SAMD5: variants seen among roughly 807,000 people sequenced by gnomAD.
SAMD5 encodes the protein sterile alpha motif domain containing 5.
Under a neutral mutation model 11.3 loss-of-function variants are expected in SAMD5, and 13 were observed. The observed-to-expected ratio is 1.15, with a 90% CI of 0.75 to 1.83. The LOEUF (loss-of-function observed/expected upper bound fraction) is 1.83. Among genes scored for constraint, SAMD5 ranks in the 40% most tolerant of loss-of-function variants. SAMD5 has a pLI of 0.00. For synonymous variants in SAMD5, 129 were observed against 111.3 expected (o/e 1.16, Z -1.00); for missense variants, 255 against 239.1 (o/e 1.07, Z -0.44).
intron 1 of SAMD5, among the ~76,000 whole-genome samples, chr6:147,650,251 T>G (rs1275326998): frequency 6.6e-6 from 1 of 152,224 alleles, no homozygotes; most frequent in Non-Finnish European, 1.5e-5. Context: ...CAGTAGGGAC[T>G]GTGGTGAAGG....
At chr6:147,636,045 G>T (rs560571592) in intron 1 of SAMD5, among the ~76,000 whole-genome samples, 11 of 152,276 alleles carry the variant, frequency 7.2e-5, no homozygotes, top group African/African-American at 2.4e-4. Flanking sequence ...TCTGTACCAT[G>T]TGCCAGTTAC....
the SAMD5 span, among the ~76,000 whole-genome samples, chr6:147,803,714 C>T: frequency 2.0e-5 from 3 of 152,216 alleles, no homozygotes; most frequent in Non-Finnish European, 2.9e-5. Context: ...CCCAAAGACA[C>T]GTGATCGGCA....
chr6:147,647,003 AATAATAATAAT>A lies in SAMD5; in HGVS notation c.163-90312_163-90302del, dbSNP rs1554240089. 5.5e-3 allele frequency among the ~76,000 whole-genome samples: 806 copies of A among 146,706 alleles called. 2 individuals carry two copies. Among genetic ancestry groups the A allele is most frequent in the Middle Eastern group, 0.032 (9 of 282 alleles). On this transcript the variant is annotated intron_variant, in intron 1 of 1. Coordinates refer to the SAMD5 transcript ENST00000566741. Reference sequence around the variant, plus strand: ...TAATAATAATAATAATAATAATAATAATAATAATAATAAAATAGCTGGCCATGGTGACAGGC... The same window carrying A: ...TAATAATAATAATAATAATAATAATAAAAATAGCTGGCCATGGTGACAGGC...
At chr6:147,659,801 C>T (rs1790621826) in intron 1 of SAMD5, among the ~76,000 whole-genome samples, 1 of 152,104 alleles carries the variant, frequency 6.6e-6, no homozygotes, top group African/African-American at 2.4e-5. Flanking sequence ...CCCTCCCCAT[C>T]ACCGGTGATA....
chr6:147,687,273 CTTCTT>C (rs1791030451), intron 1 of SAMD5, among the ~76,000 whole-genome samples: 2 of 132,104 alleles, frequency 1.5e-5, no homozygotes, highest in Non-Finnish European at 1.6e-5. Context: ...TCCTCTCCTC[CTTCTT>C]TTTTTTTTTT....
At chr6:147,541,596 T>C (rs1324078078) in intron 1 of SAMD5, among the ~76,000 whole-genome samples, 5 of 152,132 alleles carry the variant, frequency 3.3e-5, no homozygotes, top group Admixed American at 6.5e-5. Flanking sequence ...TTAGGACTCA[T>C]TGAATGTGAC....
At chr6:147,736,765 C>T (rs569231452) in intron 1 of SAMD5, among the ~76,000 whole-genome samples, 1 of 152,182 alleles carries the variant, frequency 6.6e-6, no homozygotes, top group South Asian at 2.1e-4. Context: ...TGTATCTTAG[C>T]ATTTAGTCTC....
At chr6:147,838,694 A>G in the SAMD5 span, among the ~76,000 whole-genome samples, 1 of 152,192 alleles carries the variant, frequency 6.6e-6, no homozygotes, top group African/African-American at 2.4e-5. Flanking sequence ...CTGAGTTGAC[A>G]CATCCCAGGG....
At chr6:147,673,684 G>A (rs1000407919) in intron 1 of SAMD5, among the ~76,000 whole-genome samples, 2 of 151,824 alleles carry the variant, frequency 1.3e-5, no homozygotes, top group African/African-American at 4.8e-5. Flanking sequence ...TTAATCAGAT[G>A]TATCAAATCC....
the SAMD5 span, among the ~76,000 whole-genome samples, chr6:147,880,455 T>C: frequency 6.6e-6 from 1 of 152,156 alleles, no homozygotes; most frequent in Non-Finnish European, 1.5e-5. Context: ...TAAAAACATC[T>C]GATAAACTCC....
chr6:147,696,352 C>T (rs1791176470), intron 1 of SAMD5, among the ~76,000 whole-genome samples: 1 of 152,202 alleles, frequency 6.6e-6, no homozygotes, highest in African/African-American at 2.4e-5. Flanking sequence ...CAGCCTGTGT[C>T]ACCATTCTTC....
chr6:147,579,976 T>C (rs1258124175), intron 1 of SAMD5, among the ~76,000 whole-genome samples: 1 of 152,200 alleles, frequency 6.6e-6, no homozygotes, highest in Non-Finnish European at 1.5e-5. Flanking sequence ...AGAAATATAG[T>C]GTGGGCAATT....
intron 1 of SAMD5, among the ~76,000 whole-genome samples, chr6:147,594,702 T>G (rs927310020): frequency 6.6e-6 from 1 of 152,186 alleles, no homozygotes. Flanking sequence ...GGAAGATAAC[T>G]GTAAACATGC....
chr6:147,923,887 C>T, the SAMD5 span, among the ~76,000 whole-genome samples: 1 of 152,160 alleles, frequency 6.6e-6, no homozygotes, highest in Admixed American at 6.6e-5. Flanking sequence ...GCCTAGACAC[C>T]CCATCTTGCA....
At chr6:147,798,622 T>C in the SAMD5 span, among the ~76,000 whole-genome samples, 263 of 152,212 alleles carry the variant, frequency 1.7e-3, no homozygotes, top group African/African-American at 5.9e-3. Context: ...CTGGGTATCC[T>C]TGTTGACTTT....
At chr6:147,624,262 C>G (rs1021144272) in intron 1 of SAMD5, among the ~76,000 whole-genome samples, 2 of 152,068 alleles carry the variant, frequency 1.3e-5, no homozygotes, top group African/African-American at 4.8e-5. Flanking sequence ...GCTCAGAAGG[C>G]CGAGCCCAGC....
At chr6:147,559,734 A>T (rs556065353) in intron 1 of SAMD5, among the ~76,000 whole-genome samples, 30 of 152,364 alleles carry the variant, frequency 2.0e-4, no homozygotes, top group African/African-American at 7.2e-4. Flanking sequence ...AATGTGGATC[A>T]TTCTAGAGTA....
At chr6:147,874,522 C>G in the SAMD5 span, among the ~76,000 whole-genome samples, 1 of 151,742 alleles carries the variant, frequency 6.6e-6, no homozygotes, top group Non-Finnish European at 1.5e-5. Flanking sequence ...GACAGCCGGC[C>G]CTCCGGCCAG....
At chr6:147,589,701 A>C (rs1261531909) in intron 1 of SAMD5, among the ~76,000 whole-genome samples, 1 of 152,238 alleles carries the variant, frequency 6.6e-6, no homozygotes, top group Non-Finnish European at 1.5e-5. Flanking sequence ...AGCATTAAAC[A>C]CATTGATAAA....
Sources: allele counts gnomAD v4.1 joint callset (sites outside exome capture counted in the v4.1 genomes callset), GRCh38; gene constraint gnomAD v4.1.1; transcripts MANE v1.5; gene names NCBI Gene and HGNC (gene_info 2026-07-23, HGNC 2026-07-21).